TTC7A: variants seen among roughly 807,000 people sequenced by gnomAD.
The protein encoded by TTC7A is tetratricopeptide repeat domain 7A.
Under a neutral mutation model 103.7 loss-of-function variants are expected in TTC7A, and 110 were observed. That is an observed-to-expected ratio of 1.06 (90% CI 0.91 to 1.24). The LOEUF is 1.24. Ranked by LOEUF, TTC7A falls within the 50% of genes most tolerant of loss-of-function variation. TTC7A has a pLI of 0.00. For missense variants in TTC7A, 1,340 were observed against 1,116.3 expected, an observed-to-expected ratio of 1.20 and a Z score of -2.86; for synonymous variants, 521 against 467.9, an observed-to-expected ratio of 1.11 and a Z score of -1.47.
chr2:47,067,778 T>G (rs767803513), intron 19 of TTC7A: 14 of 152,044 alleles, frequency 9.2e-5, no homozygotes, highest in Non-Finnish European at 4.4e-5. Context: ...TTCCATAAGT[T>G]AGTGGCCCAG....
chr2:46,972,464 A>G (rs1673450090), intron 3 of TTC7A, among the ~76,000 whole-genome samples: 1 of 152,280 alleles, frequency 6.6e-6, no homozygotes, highest in East Asian at 1.9e-4. Flanking sequence ...TGTAGACTTC[A>G]TTTTAAGGCA....
chr2:47,002,533 C>T (rs1457550485), intron 8 of TTC7A, among the ~76,000 whole-genome samples: 1 of 151,132 alleles, frequency 6.6e-6, no homozygotes, highest in Non-Finnish European at 1.5e-5. Flanking sequence ...AGAGCTACTC[C>T]CAGAGCATGG....
chr2:46,926,946 T>C (rs1400132378), intron 2 of TTC7A, among the ~76,000 whole-genome samples: 1 of 151,306 alleles, frequency 6.6e-6, no homozygotes, highest in Admixed American at 6.6e-5. Flanking sequence ...AAGAACTAAA[T>C]AGAAATTTGT....
chr2:46,994,958 G>T (rs191300043), intron 7 of TTC7A, among the ~76,000 whole-genome samples, 178 bp from the exon 8 acceptor site: 1 of 152,068 alleles, frequency 6.6e-6, no homozygotes, highest in Non-Finnish European at 1.5e-5. Flanking sequence ...ACCACCCACC[G>T]CAGCCTTTCA....
intron 14 of TTC7A, 63 bp downstream of exon 14, chr2:47,024,422 C>A: frequency 6.9e-7 from 1 of 1,441,194 alleles, no homozygotes; most frequent in Non-Finnish European, 9.4e-7. Flanking sequence ...CCTGGAAACC[C>A]AGCTTACCAG....
chr2:47,054,325 C>T (rs1683140581), intron 18 of TTC7A: 1 of 259,894 alleles, frequency 3.8e-6, no homozygotes. Flanking sequence ...GTATCACTGT[C>T]GTCCATGTGG....
chr2:47,030,661 C>G (rs1317738533), intron 15 of TTC7A, among the ~76,000 whole-genome samples: 5 of 152,162 alleles, frequency 3.3e-5, no homozygotes, highest in African/African-American at 4.8e-5. Context: ...AGCCCCAAGA[C>G]CCTTGAGCCT....
At chr2:46,965,649 C>A (rs1321187692) in intron 3 of TTC7A, among the ~76,000 whole-genome samples, 1 of 151,058 alleles carries the variant, frequency 6.6e-6, no homozygotes, top group Non-Finnish European at 1.5e-5. Flanking sequence ...GCAACCTCTG[C>A]CTCCTGGCTT....
At position 47,021,563 on chromosome 2, in the gene TTC7A, C is replaced by G. The variant is rs10205984; in HGVS notation, c.1393-299C>G. ...CTGAGGCCCAGCCAGAGACCCCTGC[C>G]TGCCCCGGCCCTGGCTTTCCTCTAT... On this transcript the variant is annotated intron_variant, in intron 11 of 19. Coordinates refer to ENST00000319190, the MANE Select transcript of TTC7A (RefSeq NM_020458.4). Among the ~76,000 whole-genome samples, 1,690 of 152,334 alleles carry G rather than the reference C, an allele frequency of 0.011. 40 individuals are homozygous for G. Among genetic ancestry groups the G allele is most frequent in the African/African-American group, 0.039 (1,619 of 41,560 alleles).
At position 46,941,924 on chromosome 2, in the gene TTC7A, G is replaced by A. The variant is rs1029277634; in HGVS notation, c.184+199G>A. 2.6e-5 allele frequency: 17 copies of A among 661,096 alleles called. No homozygotes were observed. Among genetic ancestry groups the A allele is most frequent in the Middle Eastern group, 4.2e-4 (1 of 2,396 alleles). The allele number at this position is 661,096 out of a possible 1,614,324, so 41.0% of individuals were successfully genotyped here. On this transcript the variant is annotated intron_variant, in intron 1 of 19. Coordinates refer to ENST00000319190, the MANE Select transcript of TTC7A (RefSeq NM_020458.4). The surrounding 1 kb of genome is among the most constrained non-coding windows in gnomAD (Gnocchi z 4.2). ...CACATGTGGTTTGGGGGCTTGGAGG[G>A]AAGAGAAACGGCTTTTGCTCTGTGT...
chr2:47,025,264 C>G (rs1375608854), intron 14 of TTC7A, among the ~76,000 whole-genome samples: 1 of 152,218 alleles, frequency 6.6e-6, no homozygotes, highest in Non-Finnish European at 1.5e-5. Context: ...GGAAGCCCTA[C>G]CTTCTGAGGA....
At chr2:46,934,469 G>T (rs1223617025) in intron 2 of TTC7A, among the ~76,000 whole-genome samples, 1 of 152,098 alleles carries the variant, frequency 6.6e-6, no homozygotes, top group African/African-American at 2.4e-5. Flanking sequence ...ATGTTGGCCA[G>T]GCTGGTCTTG....
intron 15 of TTC7A, among the ~76,000 whole-genome samples, chr2:47,043,210 G>A (rs530791465): frequency 7.9e-5 from 12 of 152,340 alleles, no homozygotes; most frequent in African/African-American, 2.9e-4. Flanking sequence ...TGAGGGAGTG[G>A]AGTTGTTTGC....
chr2:47,072,775 T>A (rs998195382), intron 19 of TTC7A, among the ~76,000 whole-genome samples: 2 of 149,876 alleles, frequency 1.3e-5, no homozygotes, highest in Non-Finnish European at 3.0e-5. Flanking sequence ...TGGGACGGCA[T>A]GAAGCAACCT....
intron 19 of TTC7A, among the ~76,000 whole-genome samples, chr2:47,073,279 T>G (rs1409183179): frequency 6.6e-6 from 1 of 152,092 alleles, no homozygotes; most frequent in Non-Finnish European, 1.5e-5. Flanking sequence ...TGCCAGACAC[T>G]TCTCAGAGCT....
chr2:47,056,473 T>C (rs1339906234), intron 18 of TTC7A, among the ~76,000 whole-genome samples: 4 of 152,152 alleles, frequency 2.6e-5, no homozygotes, highest in Non-Finnish European at 5.9e-5. Flanking sequence ...CCCTGCTCAT[T>C]AGCACAGGGC....
intron 3 of TTC7A, among the ~76,000 whole-genome samples, chr2:46,962,873 GC>G (rs1672509446): frequency 6.6e-6 from 1 of 152,254 alleles, no homozygotes; most frequent in South Asian, 2.1e-4. Flanking sequence ...GGGCTTGTTT[GC>G]CAGGTTTGGG....
Position 47,023,418 on chromosome 2 carries a change from G to A in TTC7A, c.1521G>A (p.Lys507=), listed in dbSNP as rs1572940353. ...TCCTGTCCCCTGCAGCCACCCTGAA[G>A]TCCAAGCAAGATGAATTGCACCGGA... ...YSLQATDATL[K]SKQDELHRKA... is the part of the protein sequence containing the mutation. The change falls in exon 13 of 20, where the codon AAG becomes AAA. Residue 507 remains lysine (K), a synonymous_variant. Transcript: ENST00000319190. 2.5e-6 allele frequency: 4 copies of A among 1,614,044 alleles called. No individual in the cohort carries two copies. In the African/African-American group the frequency reaches 4.0e-5, roughly 16 times the overall value.
chr2:46,964,171 A>G (rs1672633818), intron 3 of TTC7A, among the ~76,000 whole-genome samples: 1 of 152,178 alleles, frequency 6.6e-6, no homozygotes, highest in South Asian at 2.1e-4. Flanking sequence ...AGATCCAGCT[A>G]GTTGTGGGGC....
Sources: gnomAD v4.1 joint callset for allele counts (sites outside exome capture counted in the v4.1 genomes callset) on GRCh38, gnomAD v4.1.1 for gene constraint, Gnocchi (gnomAD v3.1) non-coding constraint, MANE v1.5 for transcripts, NCBI Gene and HGNC (gene_info 2026-07-23, HGNC 2026-07-21) for gene names.